Variants in SLC6A11 observed in about 807,000 individuals in gnomAD.
SLC6A11 encodes the protein solute carrier family 6 member 11.
SLC6A11 carries 25 observed loss-of-function variants against 74.8 expected under a neutral mutation model. That is an observed-to-expected ratio of 0.33 (90% CI 0.24 to 0.47). The LOEUF (loss-of-function observed/expected upper bound fraction) is 0.47. SLC6A11 is among the 20% of genes least tolerant of loss of function. SLC6A11 has a pLI of 1.00. For missense variants in SLC6A11, 574 were observed against 837.0 expected (o/e 0.69, Z 3.88); for synonymous variants, 330 against 330.2 (o/e 1.00, Z 0.01).
intron 3 of SLC6A11, among the ~76,000 whole-genome samples, chr3:10,822,143 G>T (rs1473169787): frequency 6.6e-6 from 1 of 152,244 alleles, no homozygotes; most frequent in Admixed American, 6.5e-5. Flanking sequence ...CACATAGGAG[G>T]TGATTCCTGC....
chr3:10,903,940 A>G (rs1387891494), intron 6 of SLC6A11, among the ~76,000 whole-genome samples: 1 of 152,230 alleles, frequency 6.6e-6, no homozygotes, highest in Non-Finnish European at 1.5e-5. Context: ...CCAAACATCT[A>G]AGAAATTAGA....
chr3:10,847,811 A>G (rs538375633), intron 5 of SLC6A11, among the ~76,000 whole-genome samples: 4 of 152,358 alleles, frequency 2.6e-5, no homozygotes, highest in East Asian at 1.9e-4. Context: ...CCCAGCATCC[A>G]AAGGTTTTTT....
chr3:10,867,180 C>T (rs1029549627), intron 5 of SLC6A11, among the ~76,000 whole-genome samples: 7 of 151,898 alleles, frequency 4.6e-5, no homozygotes, highest in East Asian at 1.9e-4. Flanking sequence ...GGAGAGTGGG[C>T]GATGGATTAT....
intron 6 of SLC6A11, among the ~76,000 whole-genome samples, chr3:10,889,036 T>C (rs1053587648): frequency 6.6e-6 from 1 of 152,188 alleles, no homozygotes; most frequent in African/African-American, 2.4e-5. Context: ...GGGGAGGATC[T>C]TTAACCCCCC....
At chr3:10,914,312 C>T (rs894198126) in intron 7 of SLC6A11, among the ~76,000 whole-genome samples, 9 of 152,150 alleles carry the variant, frequency 5.9e-5, no homozygotes, top group South Asian at 4.1e-4. Flanking sequence ...ACATCCTTTC[C>T]GAGAGCTAGC....
At chr3:10,880,336 C>A (rs1559569567) in intron 6 of SLC6A11, among the ~76,000 whole-genome samples, 1 of 152,192 alleles carries the variant, frequency 6.6e-6, no homozygotes, top group Non-Finnish European at 1.5e-5. Flanking sequence ...TCCTGCAGTT[C>A]AAATTGCACC....
At chr3:10,859,615 T>G (rs1694680139) in intron 5 of SLC6A11, among the ~76,000 whole-genome samples, 1 of 152,156 alleles carries the variant, frequency 6.6e-6, no homozygotes, top group South Asian at 2.1e-4. Flanking sequence ...AAGGTATCCA[T>G]GAGCTCCTTG....
chr3:10,932,198 G>T (rs1695697189), intron 10 of SLC6A11, among the ~76,000 whole-genome samples: 1 of 152,028 alleles, frequency 6.6e-6, no homozygotes, highest in Non-Finnish European at 1.5e-5. Context: ...AGATTACCTT[G>T]GTCAGCTGAG....
At chr3:10,844,074 T>G in intron 4 of SLC6A11, 140 bp from the exon 5 acceptor site, 4 of 933,392 alleles carry the variant, frequency 4.3e-6, no homozygotes, top group African/African-American at 1.6e-5. Flanking sequence ...AGGCCCCAAG[T>G]CCTCCCCAGA....
chr3:10,901,548 A>G lies in SLC6A11; in HGVS notation c.892-10542A>G, dbSNP rs904934709. 4.6e-5 allele frequency among the ~76,000 whole-genome samples: 7 copies of G among 152,270 alleles called. No homozygotes were observed. In the South Asian group the frequency reaches 1.2e-3, roughly 27 times the overall value. ...GCACCAGAGCGAGAGGCTGCAGAAC[A>G]TATTTCCAGTTGGGCTTACAGGCCA... On this transcript the variant is annotated intron_variant, in intron 6 of 13. Transcript: ENST00000254488.
rs78082527 is a variant in SLC6A11 at position 10,845,232 on chromosome 3, C to T, written c.756+886C>T. Among the ~76,000 whole-genome samples, 18 of 152,266 alleles carry T rather than the reference C, an allele frequency of 1.2e-4. No individual in the cohort carries two copies. The East Asian group carries it at 3.5e-3, about 29-fold the overall frequency. On this transcript the variant is annotated intron_variant, in intron 5 of 13. Coordinates refer to ENST00000254488, the MANE Select transcript of SLC6A11 (RefSeq NM_014229.3). Reference sequence around the variant, plus strand: ...TAAGATTTGGCAACCCTGGACTTGCCTGCCCACACAGTGGCATGTGTTTGA... The same window carrying T: ...TAAGATTTGGCAACCCTGGACTTGCTTGCCCACACAGTGGCATGTGTTTGA...
intron 5 of SLC6A11, among the ~76,000 whole-genome samples, chr3:10,853,045 C>T (rs965304954): frequency 2.6e-5 from 4 of 152,128 alleles, no homozygotes; most frequent in South Asian, 2.1e-4. Context: ...CTCTCTGGGC[C>T]GTAGTTTCCC....
intron 5 of SLC6A11, among the ~76,000 whole-genome samples, chr3:10,868,071 G>A (rs1339671313): frequency 6.6e-6 from 1 of 152,058 alleles, no homozygotes; most frequent in Non-Finnish European, 1.5e-5. Flanking sequence ...TGTGTATATG[G>A]CCAAAAAATA....
At chr3:10,838,821 A>T (rs1204488661) in intron 4 of SLC6A11, among the ~76,000 whole-genome samples, 2 of 152,174 alleles carry the variant, frequency 1.3e-5, no homozygotes, top group Admixed American at 1.3e-4. Flanking sequence ...AAATGGGTAT[A>T]ATCATGCCCT....
At chr3:10,876,373 T>C (rs1372036212) in intron 6 of SLC6A11, among the ~76,000 whole-genome samples, 2 of 152,176 alleles carry the variant, frequency 1.3e-5, no homozygotes, top group Non-Finnish European at 2.9e-5. Context: ...AAAGGCTCAG[T>C]TGAAGGAGCA....
At chr3:10,907,890 C>G (rs1695326824) in intron 6 of SLC6A11, among the ~76,000 whole-genome samples, 1 of 152,144 alleles carries the variant, frequency 6.6e-6, no homozygotes, top group African/African-American at 2.4e-5. Context: ...CTACAGATAA[C>G]AAAATTGACT....
chr3:10,851,883 T>C (rs1694580696), intron 5 of SLC6A11, among the ~76,000 whole-genome samples: 1 of 152,126 alleles, frequency 6.6e-6, no homozygotes, highest in Non-Finnish European at 1.5e-5. Flanking sequence ...GAGGCATTTC[T>C]CAGAGGGGCT....
At chr3:10,842,166 G>A (rs547020727) in intron 4 of SLC6A11, among the ~76,000 whole-genome samples, 53 of 152,252 alleles carry the variant, frequency 3.5e-4, no homozygotes, top group African/African-American at 1.1e-3. Flanking sequence ...CCATCCCTTC[G>A]GTAACTTCTC....
chr3:10,861,132 T>C (rs896179829), intron 5 of SLC6A11, among the ~76,000 whole-genome samples: 16 of 152,242 alleles, frequency 1.1e-4, no homozygotes, highest in African/African-American at 3.9e-4. Context: ...GAGGCAGGAC[T>C]TGTTCCTATG....
Sources: gnomAD v4.1 joint callset for allele counts (sites outside exome capture counted in the v4.1 genomes callset) on GRCh38, gnomAD v4.1.1 for gene constraint, MANE v1.5 for transcripts, NCBI Gene and HGNC (gene_info 2026-07-23, HGNC 2026-07-21) for gene names.